Variants in ADAMTS7 observed in about 807,000 individuals in gnomAD.
ADAMTS7 encodes the protein ADAM metallopeptidase with thrombospondin type 1 motif 7.
A neutral mutation model predicts 172.6 loss-of-function variants in ADAMTS7; 89 were observed. That is an observed-to-expected ratio of 0.52 (90% CI 0.43 to 0.61). The LOEUF (loss-of-function observed/expected upper bound fraction) is 0.61. Among genes scored for constraint, ADAMTS7 ranks in the 20% least tolerant of loss-of-function variants. The pLI, the probability that ADAMTS7 is intolerant of heterozygous loss-of-function variation, is 0.00. For synonymous variants in ADAMTS7, 885 were observed against 978.4 expected, an observed-to-expected ratio of 0.90 and a Z score of 1.78; for missense variants, 1,973 against 2,355.6, an observed-to-expected ratio of 0.84 and a Z score of 3.36.
In ADAMTS7 at chr15:78,765,816, A is replaced by G. The variant is rs561839092; in HGVS notation, c.4095T>C (p.Pro1365=). ...GCAGCCTAGAGCTCAGGGGCACCTC[A>G]GGGCTGAGGGACTCAGGCTGACCCT... The part of the protein sequence containing the change: ...GPKGQPESLS[P]EVPLSSRLLS... The change falls in exon 19 of 24, where the codon CCT becomes CCC. Residue 1365 remains proline (P), a synonymous_variant. Coordinates refer to ENST00000388820, the MANE Select transcript of ADAMTS7 (RefSeq NM_014272.5). 13 of 1,590,172 alleles carry G rather than the reference A, an allele frequency of 8.2e-6. 1 individual carries two copies. The Admixed American group carries it at 2.3e-4, about 28-fold the overall frequency.
At chr15:78,804,003 AC>A (rs1459651925) in intron 1 of ADAMTS7, among the ~76,000 whole-genome samples, 2 of 152,040 alleles carry the variant, frequency 1.3e-5, no homozygotes, top group Non-Finnish European at 2.9e-5. Flanking sequence ...TAGGCTGTGG[AC>A]CCCAGGTTAG....
At chr15:78,762,717 G>T (rs865783439) in intron 22 of ADAMTS7, 152 bp from the exon 23 acceptor site, 96 of 557,684 alleles carry the variant, frequency 1.7e-4, no homozygotes, top group African/African-American at 1.3e-3. Context: ...GGAGCACCTG[G>T]TCCCATTCCT....
rs1421642418 is a variant in ADAMTS7 at position 78,773,126 on chromosome 15, G to A, written c.2088C>T (p.Thr696=). 1.6e-5 allele frequency: 24 copies of A among 1,518,110 alleles called. No individual in the cohort carries two copies. In the African/African-American group the frequency reaches 2.6e-4, roughly 17 times the overall value. 94.0% of individuals were successfully genotyped at this position (1,518,110 alleles called of 1,614,324 possible). A position where few individuals can be genotyped will look rare whatever the true frequency, so the allele number is the denominator to read the frequency against. The change falls in exon 14 of 24, where the codon ACC becomes ACT. Residue 696 remains threonine, a synonymous_variant. Transcript: ENST00000388820. Reference sequence around the variant, plus strand: ...CGAAGGTCCCGCTCACGGTGTGGCAGGTGGAGCCGTTGCCGTGGCACACAC... The same window carrying A: ...CGAAGGTCCCGCTCACGGTGTGGCAAGTGGAGCCGTTGCCGTGGCACACAC... ...RCGVCHGNGS[T]CHTVSGTFEE... is the part of the protein sequence containing the mutation.
intron 23 of ADAMTS7, among the ~76,000 whole-genome samples, chr15:78,760,363 C>G (rs1361205602): frequency 6.6e-6 from 1 of 152,186 alleles, no homozygotes; most frequent in African/African-American, 2.4e-5. Flanking sequence ...CAGCTGCCAC[C>G]CGGGCCCTGC....
Position 78,782,750 on chromosome 15 carries a change from T to A in ADAMTS7, c.1323-5162A>T, listed in dbSNP as rs868640223. 2.7e-3 allele frequency among the ~76,000 whole-genome samples: 406 copies of A among 147,690 alleles called. 2 individuals are homozygous for A. The highest frequency in any genetic ancestry group is 9.9e-3 in the African/African-American group (391 of 39,640). On this transcript the variant is annotated intron_variant, in intron 8 of 23. Transcript: ENST00000388820. Reference sequence around the variant, plus strand: ...AGCCCGGAAAGGCTCAGGAATGGAGTTTCCAGGGACCCCTCAGGGCCTTAG... The same window carrying A: ...AGCCCGGAAAGGCTCAGGAATGGAGATTCCAGGGACCCCTCAGGGCCTTAG...
At chr15:78,783,686 C>T (rs898829942) in intron 8 of ADAMTS7, among the ~76,000 whole-genome samples, 3 of 152,260 alleles carry the variant, frequency 2.0e-5, no homozygotes, top group South Asian at 2.1e-4. Flanking sequence ...GTAATAACCT[C>T]GCAGAGATAA....
chr15:78,772,271 T>C (rs1307911632), intron 14 of ADAMTS7, among the ~76,000 whole-genome samples: 2 of 152,216 alleles, frequency 1.3e-5, no homozygotes, highest in African/African-American at 4.8e-5. Context: ...AATGGCCCTA[T>C]AGCATAGGTA....
rs371312648 is a variant in ADAMTS7 at position 78,777,619 on chromosome 15, C to T, written c.1323-31G>A. 951 of 1,585,526 alleles carry T rather than the reference C, an allele frequency of 6.0e-4. 3 individuals are homozygous for T. The highest frequency in any genetic ancestry group is 4.0e-3 in the Middle Eastern group (24 of 5,992). ...GATGGGACGGGAGGATGGAGGGGGG[C>T]GCAGCCTGTGAGACCCATCGGAGAA... is the stretch of plus-strand genomic sequence containing the variant. On this transcript the variant is annotated intron_variant, in intron 8 of 23. Coordinates refer to ENST00000388820, the MANE Select transcript of ADAMTS7 (RefSeq NM_014272.5).
chr15:78,771,813 C>T lies in ADAMTS7; in HGVS notation c.2148G>A (p.Gly716=), dbSNP rs762682081. 9 of 1,611,328 alleles carry T rather than the reference C, an allele frequency of 5.6e-6. No homozygotes were observed. In the South Asian group the frequency reaches 6.6e-5, roughly 12 times the overall value. Residue 716 remains glycine (G), a synonymous_variant, in exon 15 of 24, where the codon GGG becomes GGA. Transcript: ENST00000388820. This position sits in a 1 kb window ranked among gnomAD's most constrained non-coding sequence, Gnocchi z 4.9. ...EAEGLGYVDV[G]LIPAGAREIR... is the part of the protein sequence containing the mutation. Reference sequence around the variant, plus strand: ...TCTCGCGTGCGCCCGCTGGGATCAGCCCCACATCCACATACCCTGTCAGCC... The same window carrying T: ...TCTCGCGTGCGCCCGCTGGGATCAGTCCCACATCCACATACCCTGTCAGCC...
intron 8 of ADAMTS7, among the ~76,000 whole-genome samples, chr15:78,787,632 C>A (rs1284800417): frequency 2.6e-5 from 4 of 152,156 alleles, no homozygotes; most frequent in Admixed American, 2.6e-4. Context: ...CCATTGCATT[C>A]CAGCCTGGGC....
chr15:78,778,663 C>T (rs575928166), intron 8 of ADAMTS7, among the ~76,000 whole-genome samples: 33 of 152,220 alleles, frequency 2.2e-4, no homozygotes, highest in African/African-American at 7.7e-4. Flanking sequence ...AGGCAGGACC[C>T]GCGGGACCTG....
In ADAMTS7 at chr15:78,774,622, A is replaced by G. The variant is rs1409273110; in HGVS notation, c.1876+2T>C. On this transcript the variant is annotated splice_donor_variant, in intron 12 of 23. Coordinates refer to ENST00000388820, the MANE Select transcript of ADAMTS7 (RefSeq NM_014272.5). LOFTEE classifies it high-confidence loss of function. ...AATGTCTCCATGGGGGGCAGCACTCACCGTCATTGACCACGGGCACCCATG... is the reference window on the plus strand; with the variant it reads ...AATGTCTCCATGGGGGGCAGCACTCGCCGTCATTGACCACGGGCACCCATG... 1 of 1,611,654 alleles carries G rather than the reference A, an allele frequency of 6.2e-7. No individual in the cohort carries two copies. The highest frequency in any genetic ancestry group is 1.7e-5 in the Admixed American group (1 of 59,998).
At position 78,767,026 on chromosome 15, in the gene ADAMTS7, G is replaced by A. The variant is rs2055168177; in HGVS notation, c.2885C>T (p.Thr962Ile). 1 of 1,567,566 alleles carries A rather than the reference G, an allele frequency of 6.4e-7. No homozygotes were observed. Among genetic ancestry groups the A allele is most frequent in the Non-Finnish European group, 8.6e-7 (1 of 1,158,566 alleles). The change falls in exon 19 of 24, where the codon ACT (threonine) becomes ATT (isoleucine). Residue 962 changes from threonine to isoleucine, a missense_variant. Transcript: ENST00000388820. ...GGTGCAGAGGACATTTCGGCGCTGA[G>A]TGCCCTCCCCACATGTCACTGAGCA... ...SQCSVTCGEG[T>I]QRRNVLCTND...
intron 17 of ADAMTS7, 113 bp downstream of exon 17, chr15:78,768,020 T>C (rs1423254949): frequency 2.2e-5 from 6 of 272,088 alleles, no homozygotes; most frequent in Non-Finnish European, 3.2e-5. Context: ...AGACCCAGGA[T>C]GCCTGGGGGT....
chr15:78,775,091 T>TA (rs2055321323), intron 11 of ADAMTS7, among the ~76,000 whole-genome samples: 3 of 152,054 alleles, frequency 2.0e-5, no homozygotes, highest in African/African-American at 7.2e-5. Flanking sequence ...ATGTATAAAG[T>TA]GGGGTTGGGG....
chr15:78,768,058 A>AGTTGGCGGGGGATGGGGTGGGGC, intron 17 of ADAMTS7, 75 bp downstream of exon 17: 1 of 820,910 alleles, frequency 1.2e-6, no homozygotes, highest in Non-Finnish European at 1.7e-6. Flanking sequence ...TGGGGTGGGG[A>AGTTGGCGGGGGATGGGGTGGGGC]GTTGGCGGGG....
chr15:78,782,386 C>G lies in ADAMTS7; in HGVS notation c.1323-4798G>C, dbSNP rs1220369837. On this transcript the variant is annotated intron_variant, in intron 8 of 23. Transcript: ENST00000388820. ...CTTCTCTGCTTCCAATCCCACCCCC[C>G]ACCCCAGTACTCCCTCTTCCACTGG... Among the ~76,000 whole-genome samples the G allele has an allele frequency of 1.2e-4, 14 of 112,458 alleles. No individual in the cohort carries two copies. In the East Asian group the frequency reaches 2.2e-3, roughly 18 times the overall value. 73.8% of individuals were successfully genotyped at this position (112,458 alleles called of 152,430 possible). A position where few individuals can be genotyped will look rare whatever the true frequency, so the allele number is the denominator to read the frequency against.
In ADAMTS7 at chr15:78,788,384, A is replaced by C; in HGVS notation, c.1179-10T>G. On this transcript the variant is annotated splice_polypyrimidine_tract_variant and intron_variant, in intron 7 of 23. Transcript: ENST00000388820. ...ATGCTGAATGCCAAAACTGTGTGAG[A>C]GCACAGGCCCCAGGGGCGGGTGAGC... The C allele has an allele frequency of 1.2e-6, 2 of 1,612,052 alleles. No homozygotes were observed. The highest frequency in any genetic ancestry group is 1.7e-6 in the Non-Finnish European group (2 of 1,179,698).
rs1261820211 is a variant in ADAMTS7 at position 78,777,554 on chromosome 15, C to G, written c.1357G>C (p.Ala453Pro). The G allele has an allele frequency of 3.7e-6, 6 of 1,608,062 alleles. No homozygotes were observed. The highest frequency in any genetic ancestry group is 5.1e-6 in the Non-Finnish European group (6 of 1,177,464). The change falls in exon 9 of 24, where the codon GCC (alanine) becomes CCC (proline). Residue 453 changes from alanine (A) to proline (P), a missense_variant. Physicochemically the swap from Ala to Pro is conservative, Grantham distance 27. Around this residue, in one of 8 missense-constraint regions of ADAMTS7, gnomAD observed 526 missense variants for 662.9 expected, o/e 0.79. Coordinates refer to ENST00000388820, the MANE Select transcript of ADAMTS7 (RefSeq NM_014272.5). Reference sequence around the variant, plus strand: ...GAGGGGAAGTCGATAATGTCCTTGGCAGGAGGGTCGTCCAGGCACAGGCCC... The same window carrying G: ...GAGGGGAAGTCGATAATGTCCTTGGGAGGAGGGTCGTCCAGGCACAGGCCC... ...GWGLCLDDPP[A>P]KDIIDFPSVP...
Sources: allele counts gnomAD v4.1 joint callset (sites outside exome capture counted in the v4.1 genomes callset), GRCh38; gene constraint gnomAD v4.1.1; regional missense constraint gnomAD v4.1.1; non-coding constraint Gnocchi (gnomAD v3.1); transcripts MANE v1.5; gene names NCBI Gene and HGNC (gene_info 2026-07-23, HGNC 2026-07-21).